ANKS1B: variants seen among roughly 807,000 people sequenced by gnomAD.
ANKS1B encodes the protein ankyrin repeat and sterile alpha motif domain-containing protein 1B.
ANKS1B carries 36 observed loss-of-function variants against 148.3 expected under a neutral mutation model. That is an observed-to-expected ratio of 0.24 (90% confidence interval 0.19 to 0.32). The LOEUF (loss-of-function observed/expected upper bound fraction) is 0.32. Ranked by LOEUF, ANKS1B falls within the 10% of genes least tolerant of loss-of-function variation. The pLI, the probability that ANKS1B is intolerant of heterozygous loss-of-function variation, is 1.00. For missense variants in ANKS1B, 1,157 were observed against 1,542.6 expected (o/e 0.75, Z 4.19); for synonymous variants, 542 against 560.8 (o/e 0.97, Z 0.47).
chr12:99,327,332 T>C (rs1276653927), intron 12 of ANKS1B, among the ~76,000 whole-genome samples: 3 of 126,906 alleles, frequency 2.4e-5, no homozygotes, highest in Non-Finnish European at 4.7e-5. Context: ...ATATTATATA[T>C]AATTATATAT....
At chr12:98,875,101 T>C (rs1176058244) in intron 17 of ANKS1B, among the ~76,000 whole-genome samples, 1 of 152,214 alleles carries the variant, frequency 6.6e-6, no homozygotes, top group East Asian at 1.9e-4. Flanking sequence ...TTCTTCATCC[T>C]AGACTTTGCC....
At chr12:99,747,189 A>G (rs1194400272) in intron 8 of ANKS1B, among the ~76,000 whole-genome samples, 2 of 151,438 alleles carry the variant, frequency 1.3e-5, no homozygotes, top group Non-Finnish European at 2.9e-5. Context: ...CCTTTTTCAA[A>G]CCTCCCCCTG....
At chr12:98,764,520 G>A (rs995534443) in intron 25 of ANKS1B, among the ~76,000 whole-genome samples, 19 of 152,186 alleles carry the variant, frequency 1.2e-4, no homozygotes, top group African/African-American at 3.9e-4. Context: ...GAGCCACCGC[G>A]CCTGGCTTCT....
intron 9 of ANKS1B, among the ~76,000 whole-genome samples, chr12:99,540,249 G>T (rs1186518342): frequency 1.3e-5 from 2 of 152,050 alleles, no homozygotes; most frequent in Non-Finnish European, 2.9e-5. Flanking sequence ...ATAATGAATA[G>T]AACAATTAGG....
intron 17 of ANKS1B, among the ~76,000 whole-genome samples, chr12:99,024,717 C>G (rs1172746714): frequency 2.0e-5 from 3 of 152,146 alleles, no homozygotes; most frequent in Admixed American, 2.0e-4. Flanking sequence ...CTTCCTGGCT[C>G]TAGCCAATTC....
intron 9 of ANKS1B, among the ~76,000 whole-genome samples, chr12:99,549,816 G>T (rs561180708): frequency 8.5e-5 from 13 of 152,294 alleles, no homozygotes; most frequent in South Asian, 4.2e-4. Context: ...TGGTCACAGT[G>T]GAAAATTCCA....
At chr12:98,893,856 C>T (rs1238477654) in intron 17 of ANKS1B, 1 of 152,236 alleles carries the variant, frequency 6.6e-6, no homozygotes, top group Non-Finnish European at 1.5e-5. Flanking sequence ...TTATAAACGG[C>T]TGGTTTTCTT....
intron 1 of ANKS1B, among the ~76,000 whole-genome samples, chr12:99,938,685 T>C (rs1454969271): frequency 6.6e-6 from 1 of 152,178 alleles, no homozygotes; most frequent in East Asian, 1.9e-4. Context: ...CAGACCCTTT[T>C]GTAAGATTCA....
intron 17 of ANKS1B, among the ~76,000 whole-genome samples, chr12:99,050,233 C>T (rs961999146): frequency 6.6e-6 from 1 of 152,094 alleles, no homozygotes; most frequent in Non-Finnish European, 1.5e-5. Context: ...CTTTGTAAGC[C>T]AAAGGCATGC....
intron 12 of ANKS1B, among the ~76,000 whole-genome samples, chr12:99,329,855 C>T (rs749895921): frequency 1.3e-5 from 2 of 151,644 alleles, no homozygotes; most frequent in Non-Finnish European, 2.9e-5. Flanking sequence ...TTGTGATGAA[C>T]GTTTTTCAAA....
intron 11 of ANKS1B, among the ~76,000 whole-genome samples, chr12:99,441,279 C>T (rs963287965): frequency 2.0e-5 from 3 of 151,836 alleles, no homozygotes; most frequent in African/African-American, 4.8e-5. Flanking sequence ...TTTTCCATCC[C>T]TGACACACCT....
chr12:99,881,990 T>C (rs1436847411), intron 1 of ANKS1B, among the ~76,000 whole-genome samples: 2 of 152,168 alleles, frequency 1.3e-5, no homozygotes, highest in Non-Finnish European at 2.9e-5. Flanking sequence ...GATACATATG[T>C]TAGAATTACC....
At chr12:99,566,112 TGG>T (rs1475353327) in intron 9 of ANKS1B, among the ~76,000 whole-genome samples, 2 of 152,238 alleles carry the variant, frequency 1.3e-5, no homozygotes, top group Non-Finnish European at 2.9e-5. Context: ...GCCATACTTT[TGG>T]CAGCCATTTC....
intron 12 of ANKS1B, among the ~76,000 whole-genome samples, chr12:99,393,561 C>T (rs2152558804): frequency 6.6e-6 from 1 of 152,302 alleles, no homozygotes; most frequent in African/African-American, 2.4e-5. Context: ...ACATTTCTTC[C>T]AGGAAATTGT....
rs191697033 is a variant in ANKS1B, at chr12:99,153,938, T to G, written c.2526+351A>C. ...AATAATATAAGAATCAAGAATTAGC[T>G]GAAGAGTGATATAATCCGAGTATTC... On this transcript the variant is annotated intron_variant, in intron 15 of 26. Coordinates refer to ENST00000683438, the MANE Select transcript of ANKS1B (RefSeq NM_001352186.2). Among the ~76,000 whole-genome samples, 31 of 152,268 alleles carry G rather than the reference T, an allele frequency of 2.0e-4. No homozygotes were observed. In the East Asian group the frequency reaches 5.0e-3, roughly 25 times the overall value.
intron 8 of ANKS1B, among the ~76,000 whole-genome samples, chr12:99,710,754 C>T (rs1009826653): frequency 2.2e-4 from 33 of 151,944 alleles, no homozygotes; most frequent in African/African-American, 6.0e-4. Context: ...TTTGCATTTC[C>T]GTTTATTTAC....
At chr12:99,602,193 A>T (rs1597897038) in intron 9 of ANKS1B, among the ~76,000 whole-genome samples, 1 of 152,182 alleles carries the variant, frequency 6.6e-6, no homozygotes, top group East Asian at 1.9e-4. Context: ...TTCTGAGCCC[A>T]ACATTCCCCC....
At chr12:99,307,037 CCTT>C (rs2082445584) in intron 12 of ANKS1B, among the ~76,000 whole-genome samples, 1 of 152,050 alleles carries the variant, frequency 6.6e-6, no homozygotes, top group Non-Finnish European at 1.5e-5. Context: ...CCTGGCTCTG[CCTT>C]CTTCTAACTT....
chr12:99,131,369 C>G (rs1423298246), intron 15 of ANKS1B, among the ~76,000 whole-genome samples: 1 of 152,114 alleles, frequency 6.6e-6, no homozygotes, highest in Non-Finnish European at 1.5e-5. Flanking sequence ...CATGTCTTCC[C>G]CTTGGCACAA....
Sources: gnomAD v4.1 joint callset for allele counts (sites outside exome capture counted in the v4.1 genomes callset) on GRCh38, gnomAD v4.1.1 for gene constraint, MANE v1.5 for transcripts, NCBI Gene and HGNC (gene_info 2026-07-23, HGNC 2026-07-21) for gene names.